PRELID2: variants seen among roughly 807,000 people sequenced by gnomAD.
PRELID2 encodes PRELI domain containing 2.
In PRELID2, 25 loss-of-function variants were observed where a neutral mutation model predicts 28.4. That is an observed-to-expected ratio of 0.88 (90% CI 0.64 to 1.23). PRELID2 has a LOEUF of 1.23. Ranked by LOEUF, PRELID2 falls within the 50% of genes most tolerant of loss-of-function variation. The probability of loss-of-function intolerance (pLI) is 0.00; values close to 1 mark genes in which losing one functional copy is unlikely to be tolerated. For missense variants in PRELID2, 201 were observed against 214.4 expected (o/e 0.94, Z 0.39); for synonymous variants, 76 against 71.6 (o/e 1.06, Z -0.31).
chr5:145,509,602 G>A (rs1752443625), intron 1 of PRELID2, among the ~76,000 whole-genome samples: 1 of 152,176 alleles, frequency 6.6e-6, no homozygotes, highest in Non-Finnish European at 1.5e-5. Flanking sequence ...AAGTAATAAT[G>A]ATTCACAAAG....
the PRELID2 span, among the ~76,000 whole-genome samples, chr5:145,245,663 G>GA: frequency 6.6e-6 from 1 of 152,180 alleles, no homozygotes; most frequent in East Asian, 1.9e-4. Flanking sequence ...CAGAAGGCAG[G>GA]AAAAATCCTT....
the PRELID2 span, among the ~76,000 whole-genome samples, chr5:145,360,535 A>G: frequency 6.6e-6 from 1 of 152,198 alleles, no homozygotes; most frequent in African/African-American, 2.4e-5. Flanking sequence ...CTGGAAAATA[A>G]CAGCCCCTGA....
intron 5 of PRELID2, among the ~76,000 whole-genome samples, chr5:145,786,623 A>C (rs892837815): frequency 9.9e-5 from 15 of 152,108 alleles, no homozygotes; most frequent in African/African-American, 3.6e-4. Flanking sequence ...CTGTGCCTAG[A>C]CTCCTAATCT....
downstream of PRELID2, among the ~76,000 whole-genome samples, chr5:145,751,739 T>C (rs1393151990): frequency 2.0e-5 from 3 of 152,168 alleles, no homozygotes; most frequent in Admixed American, 6.5e-5. Flanking sequence ...CCCAGCACTT[T>C]GGGAGGCCGA....
the PRELID2 span, among the ~76,000 whole-genome samples, chr5:145,439,605 A>T: frequency 2.6e-3 from 392 of 152,066 alleles, 1 homozygote; most frequent in African/African-American, 9.0e-3. Context: ...ATGCCTCCCT[A>T]TCTTGACTGC....
the PRELID2 span, among the ~76,000 whole-genome samples, chr5:145,430,450 T>C: frequency 2.0e-5 from 3 of 152,166 alleles, no homozygotes; most frequent in Non-Finnish European, 4.4e-5. Context: ...GGCACCTTCA[T>C]GGAAACACTG....
the PRELID2 span, among the ~76,000 whole-genome samples, chr5:145,378,186 T>G: frequency 6.6e-6 from 1 of 152,188 alleles, no homozygotes; most frequent in African/African-American, 2.4e-5. Flanking sequence ...CCTTTGCAAA[T>G]GGCCTGACCT....
the PRELID2 span, among the ~76,000 whole-genome samples, chr5:145,308,073 T>C: frequency 3.9e-5 from 6 of 152,126 alleles, no homozygotes; most frequent in Non-Finnish European, 7.4e-5. Context: ...TACACTCTCT[T>C]AAAAGCCACC....
intron 1 of PRELID2, among the ~76,000 whole-genome samples, chr5:145,683,334 T>C (rs1754974180): frequency 6.6e-6 from 1 of 152,222 alleles, no homozygotes; most frequent in Non-Finnish European, 1.5e-5. Flanking sequence ...AAAACTGTTA[T>C]TATTGAACAT....
intron 1 of PRELID2, among the ~76,000 whole-genome samples, chr5:145,624,666 A>G (rs1753819410): frequency 6.6e-6 from 1 of 152,238 alleles, no homozygotes; most frequent in African/African-American, 2.4e-5. Flanking sequence ...GAATATATGT[A>G]TAAAATCACA....
intron 1 of PRELID2, among the ~76,000 whole-genome samples, chr5:145,540,886 T>C (rs181914458): frequency 9.2e-5 from 14 of 152,098 alleles, no homozygotes; most frequent in Non-Finnish European, 1.5e-4. Flanking sequence ...CAAGGAATTA[T>C]ATTACATGTG....
chr5:145,423,524 G>A, the PRELID2 span, among the ~76,000 whole-genome samples: 2 of 150,216 alleles, frequency 1.3e-5, no homozygotes, highest in Non-Finnish European at 3.0e-5. Context: ...CCAGTTGATC[G>A]CATCGGCTCC....
intron 3 of PRELID2, among the ~76,000 whole-genome samples, chr5:145,818,296 A>T (rs1262964320): frequency 8.5e-5 from 13 of 152,166 alleles, no homozygotes; most frequent in Admixed American, 5.9e-4. Context: ...GGCCTAATTT[A>T]CCTAACTGCT....
chr5:145,728,656 T>C, intron 1 of PRELID2: 1 of 1,452,972 alleles, frequency 6.9e-7, no homozygotes, highest in Non-Finnish European at 9.6e-7. Flanking sequence ...ATATTTTCAA[T>C]GAATTTGTGG....
intron 1 of PRELID2, among the ~76,000 whole-genome samples, chr5:145,720,516 C>T (rs1271763819): frequency 2.6e-5 from 4 of 151,872 alleles, no homozygotes; most frequent in African/African-American, 9.7e-5. Flanking sequence ...AGCTGTTCTT[C>T]AAGATCAAGG....
chr5:145,266,441 C>T, the PRELID2 span, among the ~76,000 whole-genome samples: 1 of 151,436 alleles, frequency 6.6e-6, no homozygotes, highest in Non-Finnish European at 1.5e-5. Context: ...TGAAAAAATG[C>T]TCAACATCAC....
At chr5:145,396,587 GC>G in the PRELID2 span, among the ~76,000 whole-genome samples, 1 of 151,402 alleles carries the variant, frequency 6.6e-6, no homozygotes, top group African/African-American at 2.4e-5. Flanking sequence ...ATAAAAGTTT[GC>G]CAAGCCTTGA....
At chr5:145,246,271 G>T in the PRELID2 span, among the ~76,000 whole-genome samples, 1 of 152,092 alleles carries the variant, frequency 6.6e-6, no homozygotes, top group East Asian at 1.9e-4. Flanking sequence ...AGAAGCGTGG[G>T]GTTTAGAGGA....
chr5:145,486,390 T>C (rs1198291494), intron 1 of PRELID2, among the ~76,000 whole-genome samples: 1 of 152,252 alleles, frequency 6.6e-6, no homozygotes, highest in Non-Finnish European at 1.5e-5. Context: ...TTTATATTCA[T>C]AATTTGTTAA....
Sources: gnomAD v4.1 joint callset for allele counts (sites outside exome capture counted in the v4.1 genomes callset) on GRCh38, gnomAD v4.1.1 for gene constraint, MANE v1.5 for transcripts, NCBI Gene and HGNC (gene_info 2026-07-23, HGNC 2026-07-21) for gene names.